Variants in TSHZ2 observed in about 807,000 individuals in gnomAD.
The protein encoded by TSHZ2 is teashirt homolog 2.
TSHZ2 carries 21 observed loss-of-function variants against 74.4 expected under a neutral mutation model. That is an observed-to-expected ratio of 0.28 (90% CI 0.20 to 0.41). The LOEUF (loss-of-function observed/expected upper bound fraction) is 0.41. Ranked by LOEUF, TSHZ2 falls within the 10% of genes least tolerant of loss-of-function variation. The pLI, the probability that TSHZ2 is intolerant of heterozygous loss-of-function variation, is 1.00. For synonymous variants in TSHZ2, 540 were observed against 515.3 expected (o/e 1.05, Z -0.65); for missense variants, 1,244 against 1,293.5 (o/e 0.96, Z 0.59).
chr20:53,023,521 A>G (rs559312408), intron 1 of TSHZ2, among the ~76,000 whole-genome samples: 2 of 152,314 alleles, frequency 1.3e-5, no homozygotes, highest in African/African-American at 4.8e-5. Context: ...TTAGAAAACT[A>G]GATATTCTAA....
intron 2 of TSHZ2, among the ~76,000 whole-genome samples, chr20:53,469,500 C>G (rs919609654): frequency 6.6e-6 from 1 of 151,076 alleles, no homozygotes; most frequent in Non-Finnish European, 1.5e-5. Context: ...GCCGAGATCA[C>G]GCCACTGCAC....
At chr20:53,251,400 C>G (rs776386724) in intron 1 of TSHZ2, among the ~76,000 whole-genome samples, 1 of 152,120 alleles carries the variant, frequency 6.6e-6, no homozygotes, top group Admixed American at 6.5e-5. Context: ...AATGGTATAT[C>G]TATTTTTTGC....
At chr20:53,232,305 T>C (rs967737902) in intron 1 of TSHZ2, among the ~76,000 whole-genome samples, 4 of 152,220 alleles carry the variant, frequency 2.6e-5, no homozygotes, top group African/African-American at 9.6e-5. Flanking sequence ...CCTCATCTAA[T>C]TCACACGTTT....
chr20:52,995,278 G>A (rs576619539), intron 1 of TSHZ2, among the ~76,000 whole-genome samples: 24 of 152,276 alleles, frequency 1.6e-4, no homozygotes, highest in African/African-American at 5.8e-4. Flanking sequence ...TCTACATGGG[G>A]TGGCTGTAGT....
chr20:53,450,968 C>A (rs542805487), intron 2 of TSHZ2, among the ~76,000 whole-genome samples: 1 of 151,370 alleles, frequency 6.6e-6, no homozygotes, highest in African/African-American at 2.4e-5. Flanking sequence ...CTCAGAAGCC[C>A]AGAGGGAAAA....
At chr20:53,167,332 C>A (rs958669787) in intron 1 of TSHZ2, among the ~76,000 whole-genome samples, 1 of 152,210 alleles carries the variant, frequency 6.6e-6, no homozygotes, top group Non-Finnish European at 1.5e-5. Context: ...CTCTTCTGAT[C>A]TTCACACCAA....
chr20:53,185,731 T>C (rs866378279), intron 1 of TSHZ2: 3 of 1,535,284 alleles, frequency 2.0e-6, no homozygotes. Flanking sequence ...CTCTATTCTC[T>C]TGCTAAATGG....
At chr20:53,427,115 G>A (rs1443464777) in intron 2 of TSHZ2, among the ~76,000 whole-genome samples, 1 of 152,180 alleles carries the variant, frequency 6.6e-6, no homozygotes, top group African/African-American at 2.4e-5. Context: ...AGATAGGTCA[G>A]GAATGTTTTA....
intron 1 of TSHZ2, 64 bp downstream of exon 1, chr20:52,973,397 C>T (rs574511199): frequency 1.3e-6 from 2 of 1,541,092 alleles, no homozygotes; most frequent in Non-Finnish European, 1.8e-6. Context: ...GCCCTCCTTG[C>T]CCCTGGGTGC....
At chr20:52,982,938 T>C (rs1303593195) in intron 1 of TSHZ2, among the ~76,000 whole-genome samples, 2 of 152,214 alleles carry the variant, frequency 1.3e-5, no homozygotes, top group Non-Finnish European at 2.9e-5. Context: ...TGGTTATTAG[T>C]TGAACATAGG....
At chr20:53,284,912 A>G (rs1991136278) in intron 2 of TSHZ2, among the ~76,000 whole-genome samples, 2 of 152,090 alleles carry the variant, frequency 1.3e-5, no homozygotes, top group African/African-American at 4.8e-5. Flanking sequence ...GACAGGCCTG[A>G]TCGTTTCAGT....
rs1181088107 is a variant in TSHZ2, at chr20:52,973,048, G to A, written c.-246G>A. ...TCAAAATAAACAAACAAACAAACAA[G>A]GCAGAACCAACCTCTACTTCAAAGC... On this transcript the variant is annotated 5_prime_UTR_variant, in exon 1 of 3. Transcript: ENST00000371497. 5 of 456,312 alleles carry A rather than the reference G, an allele frequency of 1.1e-5. No homozygotes were observed. Among genetic ancestry groups the A allele is most frequent in the Admixed American group, 8.3e-5 (2 of 24,204 alleles). 28.3% of individuals were successfully genotyped at this position (456,312 alleles called of 1,614,324 possible). A position where few individuals can be genotyped will look rare whatever the true frequency, so the allele number is the denominator to read the frequency against.
intron 2 of TSHZ2, among the ~76,000 whole-genome samples, chr20:53,396,048 G>GC (rs1213729801): frequency 6.6e-6 from 1 of 152,178 alleles, no homozygotes; most frequent in Non-Finnish European, 1.5e-5. Context: ...GCATTCTCCT[G>GC]CCTCAGCCTC....
chr20:53,237,343 A>T (rs1989963564), intron 1 of TSHZ2, among the ~76,000 whole-genome samples: 1 of 152,182 alleles, frequency 6.6e-6, no homozygotes, highest in Non-Finnish European at 1.5e-5. Flanking sequence ...ATCACACACA[A>T]CTGAGTGATG....
At chr20:53,451,960 G>C (rs1322479951) in intron 2 of TSHZ2, among the ~76,000 whole-genome samples, 1 of 152,226 alleles carries the variant, frequency 6.6e-6, no homozygotes, top group Non-Finnish European at 1.5e-5. Flanking sequence ...TCGAATCCAA[G>C]GCTAGATAGA....
chr20:53,444,820 C>T (rs924999647), intron 2 of TSHZ2, among the ~76,000 whole-genome samples: 2 of 152,238 alleles, frequency 1.3e-5, no homozygotes, highest in African/African-American at 4.8e-5. Context: ...AGTGGCCAAC[C>T]AGCTGGAGCA....
chr20:53,408,605 A>C (rs1256406011), intron 2 of TSHZ2, among the ~76,000 whole-genome samples: 5 of 149,756 alleles, frequency 3.3e-5, no homozygotes, highest in African/African-American at 1.0e-4. Context: ...AGTTGAGGCC[A>C]TTTCCTGACA....
At chr20:53,066,590 C>A (rs1384185572) in intron 1 of TSHZ2, among the ~76,000 whole-genome samples, 2 of 152,138 alleles carry the variant, frequency 1.3e-5, no homozygotes, top group Non-Finnish European at 2.9e-5. Context: ...TCACTGCAAC[C>A]TCCGCCTCCT....
At chr20:53,275,915 G>A (rs892301573) in intron 2 of TSHZ2, among the ~76,000 whole-genome samples, 10 of 152,152 alleles carry the variant, frequency 6.6e-5, no homozygotes, top group African/African-American at 1.9e-4. Context: ...TAACAAGAGC[G>A]AAACTCCGTC....
Sources: allele counts gnomAD v4.1 joint callset (sites outside exome capture counted in the v4.1 genomes callset), GRCh38; gene constraint gnomAD v4.1.1; transcripts MANE v1.5; gene names NCBI Gene and HGNC (gene_info 2026-07-23, HGNC 2026-07-21).